The following MLEC variants were observed in gnomAD, a reference collection of about 807,000 sequenced individuals.
MLEC encodes the protein oligosaccharyltransferase complex subunit (non-catalytic).
Under a neutral mutation model 28.7 loss-of-function variants are expected in MLEC, and 7 were observed. That is an observed-to-expected ratio of 0.24 (90% CI 0.14 to 0.46). The LOEUF (loss-of-function observed/expected upper bound fraction) is 0.46. Ranked by LOEUF, MLEC falls within the 20% of genes least tolerant of loss-of-function variation. MLEC has a pLI of 0.99. For missense variants in MLEC, 237 were observed against 391.1 expected, an observed-to-expected ratio of 0.61 and a Z score of 3.32; for synonymous variants, 142 against 164.4, an observed-to-expected ratio of 0.86 and a Z score of 1.04.
Position 120,700,541 on chromosome 12 carries a change from G to A in MLEC, c.*3996G>A, listed in dbSNP as rs934042933. 4.6e-5 allele frequency: 7 copies of A among 152,060 alleles called. No individual in the cohort carries two copies. Among genetic ancestry groups the A allele is most frequent in the African/African-American group, 1.4e-4 (6 of 41,388 alleles). 9.4% of individuals were successfully genotyped at this position (152,060 alleles called of 1,614,324 possible). On this transcript the variant is annotated 3_prime_UTR_variant, in exon 5 of 5. Transcript: ENST00000228506. This position sits in a 1 kb window ranked among gnomAD's most constrained non-coding sequence, Gnocchi z 4.0. ...GAGACTGAGGCAAGGCAAAGTGATA[G>A]TACACGGAAGCAGAACCGGAAACAC... is the stretch of plus-strand genomic sequence containing the variant.
rs1592913336 is a variant in MLEC, at chr12:120,687,486, G to A, written c.190G>A (p.Gly64Arg). The A allele has an allele frequency of 1.4e-6, 2 of 1,448,136 alleles. No individual in the cohort carries two copies. The highest frequency in any genetic ancestry group is 1.8e-6 in the Non-Finnish European group (2 of 1,100,232). 89.7% of individuals were successfully genotyped at this position (1,448,136 alleles called of 1,614,324 possible). A position where few individuals can be genotyped will look rare whatever the true frequency, so the allele number is the denominator to read the frequency against. ...TGGAGAGGCGCATGTGGACGTGCACGGGATCCACTTCCGCAAGGACCCTTT... is the reference window on the plus strand; with the variant it reads ...TGGAGAGGCGCATGTGGACGTGCACAGGATCCACTTCCGCAAGGACCCTTT... Reference protein sequence around the residue: ...AGGEAHVDVHGIHFRKDPLEG... With the variant: ...AGGEAHVDVHRIHFRKDPLEG... Residue 64 changes from glycine (G) to arginine (R), a missense_variant, in exon 1 of 5, where the codon GGG (glycine) becomes AGG (arginine). Coordinates refer to ENST00000228506, the MANE Select transcript of MLEC (RefSeq NM_014730.4). The surrounding 1 kb of genome is among the most constrained non-coding windows in gnomAD (Gnocchi z 8.1).
chr12:120,693,582 A>G (rs1370227915), intron 1 of MLEC, among the ~76,000 whole-genome samples: 7 of 152,276 alleles, frequency 4.6e-5, no homozygotes, highest in Admixed American at 4.6e-4. Flanking sequence ...ATTCGTAAGG[A>G]CAATGAAGAA....
At chr12:120,692,832 C>G (rs954616841) in intron 1 of MLEC, among the ~76,000 whole-genome samples, 2 of 151,740 alleles carry the variant, frequency 1.3e-5, no homozygotes, top group African/African-American at 4.9e-5. Context: ...ACTGGAAAGC[C>G]TTACTGTGTT....
In MLEC at chr12:120,687,587, C is replaced by A; in HGVS notation, c.235+56C>A. 7.4e-7 allele frequency: 1 copy of A among 1,342,684 alleles called. No individual in the cohort carries two copies. The highest frequency in any genetic ancestry group is 9.8e-7 in the Non-Finnish European group (1 of 1,016,446). The allele number at this position is 1,342,684 out of a possible 1,614,324, so 83.2% of individuals were successfully genotyped here. ...CAGGGCCTGCTGTGCTGGGCGCAGC[C>A]GGCCGGGGGCTGCGGGCCCCGAGCC... On this transcript the variant is annotated intron_variant, in intron 1 of 4. Transcript: ENST00000228506. This position sits in a 1 kb window ranked among gnomAD's most constrained non-coding sequence, Gnocchi z 8.1.
At chr12:120,692,162 A>AAAAAAC (rs527660945) in intron 1 of MLEC, among the ~76,000 whole-genome samples, 7 of 152,198 alleles carry the variant, frequency 4.6e-5, no homozygotes, top group Non-Finnish European at 8.8e-5. Context: ...CTCCGTCTCC[A>AAAAAAC]AAAAACAAAA....
rs1021994659 is a variant in MLEC, at chr12:120,700,114, G to C, written c.*3569G>C. On this transcript the variant is annotated 3_prime_UTR_variant, in exon 5 of 5. Coordinates refer to ENST00000228506, the MANE Select transcript of MLEC (RefSeq NM_014730.4). This position sits in a 1 kb window ranked among gnomAD's most constrained non-coding sequence, Gnocchi z 4.0. ...AAATTGGCTCACCTTGGGAAACCCA[G>C]GGAAAGAATCAGCAGGTTCTCTGCC... 2.4e-4 allele frequency: 36 copies of C among 152,750 alleles called. No homozygotes were observed. Among genetic ancestry groups the C allele is most frequent in the Non-Finnish European group, 3.4e-4 (23 of 68,064 alleles). 9.5% of individuals were successfully genotyped at this position (152,750 alleles called of 1,614,324 possible).
At position 120,687,402 on chromosome 12, in the gene MLEC, G is replaced by A. The variant is rs1184411173; in HGVS notation, c.106G>A (p.Val36Met). The change falls in exon 1 of 5, where the codon GTG becomes ATG. Residue 36 changes from valine (V) to methionine (M), a missense_variant. Physicochemically the swap from Val to Met is conservative, Grantham distance 21 (BLOSUM62 1). Coordinates refer to ENST00000228506, the MANE Select transcript of MLEC (RefSeq NM_014730.4). The surrounding 1 kb of genome is among the most constrained non-coding windows in gnomAD (Gnocchi z 8.1). ...GGGACCCGGGCTCGGCGTGGCCGGC[G>A]TGGCCGGCGCGGCGGGGGCCGGGCT... The part of the protein sequence containing the change: ...IRGPGLGVAG[V>M]AGAAGAGLPE... 4 of 1,390,298 alleles carry A rather than the reference G, an allele frequency of 2.9e-6. No homozygotes were observed. Among genetic ancestry groups the A allele is most frequent in the South Asian group, 2.0e-5 (1 of 50,096 alleles). 86.1% of individuals were successfully genotyped at this position (1,390,298 alleles called of 1,614,324 possible).
At position 120,700,927 on chromosome 12, in the gene MLEC, G is replaced by C. The variant is rs148747778; in HGVS notation, c.*4382G>C. The C allele has an allele frequency of 6.6e-6, 1 of 152,482 alleles. No homozygotes were observed. Among genetic ancestry groups the C allele is most frequent in the African/African-American group, 2.4e-5 (1 of 41,578 alleles). The allele number at this position is 152,482 out of a possible 1,614,324, so 9.4% of individuals were successfully genotyped here. On this transcript the variant is annotated 3_prime_UTR_variant, in exon 5 of 5. Coordinates refer to ENST00000228506, the MANE Select transcript of MLEC (RefSeq NM_014730.4). The surrounding 1 kb of genome is among the most constrained non-coding windows in gnomAD (Gnocchi z 4.0). ...GGCCAGATTATCTTGATAAGAGCAG[G>C]TGATTTGGGGACTAGCTGGGTTGGC...
rs772635055 is a variant in MLEC at position 120,694,316 on chromosome 12, C to T, written c.414+47C>T. The T allele has an allele frequency of 6.3e-7, 1 of 1,580,888 alleles. No homozygotes were observed. The highest frequency in any genetic ancestry group is 8.6e-7 in the Non-Finnish European group (1 of 1,157,418). On this transcript the variant is annotated intron_variant, in intron 2 of 4. Transcript: ENST00000228506. This position sits in a 1 kb window ranked among gnomAD's most constrained non-coding sequence, Gnocchi z 4.5. ...GCTTGACCAGTAGGACATTGCTGCT[C>T]TTGGACAATCCACGATTATGGGGCT... is the stretch of plus-strand genomic sequence containing the variant.
At position 120,687,166 on chromosome 12, in the gene MLEC, G is replaced by A. The variant is rs950707882; in HGVS notation, c.-131G>A. 4.9e-6 allele frequency: 5 copies of A among 1,023,666 alleles called. No individual in the cohort carries two copies. Among genetic ancestry groups the A allele is most frequent in the African/African-American group, 1.7e-5 (1 of 59,620 alleles). 63.4% of individuals were successfully genotyped at this position (1,023,666 alleles called of 1,614,324 possible). On this transcript the variant is annotated 5_prime_UTR_variant, in exon 1 of 5. Transcript: ENST00000228506. This position sits in a 1 kb window ranked among gnomAD's most constrained non-coding sequence, Gnocchi z 8.1. ...CGGTACCCGTGGCTGAGAAGAAGGA[G>A]GCCTGAGAGCGACATGTCCCCGGCG...
chr12:120,690,791 G>A (rs1403216536), intron 1 of MLEC, among the ~76,000 whole-genome samples: 2 of 152,182 alleles, frequency 1.3e-5, no homozygotes, highest in Non-Finnish European at 1.5e-5. Flanking sequence ...TGGGATGAGA[G>A]AGGAGTCACT....
rs569926665 is a variant in MLEC, at chr12:120,698,129, C to T, written c.*1584C>T. 2.0e-5 allele frequency: 3 copies of T among 152,328 alleles called. No individual in the cohort carries two copies. The highest frequency in any genetic ancestry group is 4.4e-5 in the Non-Finnish European group (3 of 68,006). 9.4% of individuals were successfully genotyped at this position (152,328 alleles called of 1,614,324 possible). On this transcript the variant is annotated 3_prime_UTR_variant, in exon 5 of 5. Transcript: ENST00000228506. ...TGTGGATGGGAGACAGCAGGATTAG[C>T]TTCAGCTTGGGCTGGAGCAGTCAAT...
Position 120,694,290 on chromosome 12 carries a change from T to C in MLEC, c.414+21T>C. On this transcript the variant is annotated intron_variant, in intron 2 of 4. Coordinates refer to ENST00000228506, the MANE Select transcript of MLEC (RefSeq NM_014730.4). This position sits in a 1 kb window ranked among gnomAD's most constrained non-coding sequence, Gnocchi z 4.5. ...AAAAGGTGAGGCCTAGTCAGGCTGC[T>C]GCTTGACCAGTAGGACATTGCTGCT... 1.2e-6 allele frequency: 2 copies of C among 1,610,644 alleles called. No homozygotes were observed. The highest frequency in any genetic ancestry group is 1.1e-5 in the South Asian group (1 of 90,718).
chr12:120,695,562 G>A (rs1392503910), intron 4 of MLEC, among the ~76,000 whole-genome samples: 2 of 152,228 alleles, frequency 1.3e-5, no homozygotes, highest in Admixed American at 1.3e-4. Context: ...TGCTCTGAAA[G>A]ATTCCAGCAT....
rs145691130 is a variant in MLEC at position 120,696,962 on chromosome 12, G to A, written c.*417G>A. 1.6e-3 allele frequency: 277 copies of A among 176,948 alleles called. 1 individual carries two copies. The highest frequency in any genetic ancestry group is 6.4e-3 in the African/African-American group (266 of 41,852). The allele number at this position is 176,948 out of a possible 1,614,324, so 11.0% of individuals were successfully genotyped here. A position where few individuals can be genotyped will look rare whatever the true frequency, so the allele number is the denominator to read the frequency against. On this transcript the variant is annotated 3_prime_UTR_variant, in exon 5 of 5. Coordinates refer to ENST00000228506, the MANE Select transcript of MLEC (RefSeq NM_014730.4). The surrounding 1 kb of genome is among the most constrained non-coding windows in gnomAD (Gnocchi z 5.4). Reference sequence around the variant, plus strand: ...ACGACCAGCACTGGGAGTTAGGTACGGTCTGAAGTTATGTCTAGATAAGAC... The same window carrying A: ...ACGACCAGCACTGGGAGTTAGGTACAGTCTGAAGTTATGTCTAGATAAGAC...
rs555022330 is a variant in MLEC, at chr12:120,698,286, A to G, written c.*1741A>G. 1 of 152,318 alleles carries G rather than the reference A, an allele frequency of 6.6e-6. No individual in the cohort carries two copies. Among genetic ancestry groups the G allele is most frequent in the South Asian group, 2.1e-4 (1 of 4,834 alleles). 9.4% of individuals were successfully genotyped at this position (152,318 alleles called of 1,614,324 possible). ...GACAAAATAGGTAGCTCTTGGGCTC[A>G]TGTCCTGGGTTTTGGCTCTTTAATG... is the stretch of plus-strand genomic sequence containing the variant. On this transcript the variant is annotated 3_prime_UTR_variant, in exon 5 of 5. Transcript: ENST00000228506.
In MLEC at chr12:120,701,189, AAAC is replaced by A. The variant is rs1882433725; in HGVS notation, c.*4653_*4655del. On this transcript the variant is annotated 3_prime_UTR_variant, in exon 5 of 5. Transcript: ENST00000228506. This position sits in a 1 kb window ranked among gnomAD's most constrained non-coding sequence, Gnocchi z 4.0. ...CAGTGCTTTATTTCAGTATGAGGAA[AAAC>A]AACAACAAACTGAAGTGCGCTTTCC... 2 of 152,238 alleles carry A rather than the reference AAAC, an allele frequency of 1.3e-5. No homozygotes were observed. The highest frequency in any genetic ancestry group is 2.4e-5 in the African/African-American group (1 of 41,446). The allele number at this position is 152,238 out of a possible 1,614,324, so 9.4% of individuals were successfully genotyped here. A position where few individuals can be genotyped will look rare whatever the true frequency, so the allele number is the denominator to read the frequency against.
Position 120,696,598 on chromosome 12 carries a change from A to G in MLEC, c.*53A>G. On this transcript the variant is annotated 3_prime_UTR_variant, in exon 5 of 5. Transcript: ENST00000228506. This position sits in a 1 kb window ranked among gnomAD's most constrained non-coding sequence, Gnocchi z 5.4. ...GAGGGGTGTGGGAAAGAAACCAGCC[A>G]TATTGGTTTTGGTTTCTGTATTTTT... 1.3e-6 allele frequency: 2 copies of G among 1,587,558 alleles called. No individual in the cohort carries two copies. Among genetic ancestry groups the G allele is most frequent in the Non-Finnish European group, 1.7e-6 (2 of 1,168,280 alleles).
chr12:120,694,372 G>A lies in MLEC; in HGVS notation c.414+103G>A. 1 of 1,199,016 alleles carries A rather than the reference G, an allele frequency of 8.3e-7. No homozygotes were observed. 74.3% of individuals were successfully genotyped at this position (1,199,016 alleles called of 1,614,324 possible). On this transcript the variant is annotated intron_variant, in intron 2 of 4. Transcript: ENST00000228506. The surrounding 1 kb of genome is among the most constrained non-coding windows in gnomAD (Gnocchi z 4.5). ...GTGTGAGAGTCTCTCCAGAAAGGCA[G>A]AACAGATGAGCTCTAGAGAAGCATG... is the stretch of plus-strand genomic sequence containing the variant.
Sources: gnomAD v4.1 joint callset for allele counts (sites outside exome capture counted in the v4.1 genomes callset) on GRCh38, gnomAD v4.1.1 for gene constraint, Gnocchi (gnomAD v3.1) non-coding constraint, MANE v1.5 for transcripts, NCBI Gene and HGNC (gene_info 2026-07-23, HGNC 2026-07-21) for gene names.